Variants in SAMMSON observed in about 807,000 individuals in gnomAD.
SAMMSON encodes the protein survival associated mitochondrial melanoma specific oncogenic non-coding RNA.
intron 4 of SAMMSON, among the ~76,000 whole-genome samples, chr3:70,204,006 G>A (rs1386103842): frequency 6.6e-6 from 1 of 152,158 alleles, no homozygotes; most frequent in African/African-American, 2.4e-5. Flanking sequence ...AGTGTGTGAT[G>A]TGCAGTAAAG....
chr3:70,152,896 T>C (rs1246023314), intron 4 of SAMMSON, among the ~76,000 whole-genome samples: 1 of 151,996 alleles, frequency 6.6e-6, no homozygotes, highest in African/African-American at 2.4e-5. Context: ...GAATTTGAAA[T>C]AGCTATTTGG....
intron 9 of SAMMSON, among the ~76,000 whole-genome samples, chr3:70,376,209 C>G (rs565188717): frequency 2.6e-5 from 4 of 152,260 alleles, no homozygotes; most frequent in African/African-American, 9.6e-5. Flanking sequence ...GGCTATTTAG[C>G]CTTCATCAAA....
At chr3:70,157,176 A>G (rs2067595424) in intron 4 of SAMMSON, among the ~76,000 whole-genome samples, 1 of 152,102 alleles carries the variant, frequency 6.6e-6, no homozygotes, top group African/African-American at 2.4e-5. Flanking sequence ...ATTTTTATTT[A>G]TTCCACAATC....
At chr3:70,028,921 A>C (rs941841769) in intron 3 of SAMMSON, among the ~76,000 whole-genome samples, 2 of 152,204 alleles carry the variant, frequency 1.3e-5, no homozygotes, top group African/African-American at 2.4e-5. Flanking sequence ...CACTGAACTC[A>C]AGCAGGTACA....
At chr3:70,042,187 A>C (rs950754789) in intron 3 of SAMMSON, among the ~76,000 whole-genome samples, 1 of 152,068 alleles carries the variant, frequency 6.6e-6, no homozygotes, top group Non-Finnish European at 1.5e-5. Context: ...ATGAGTATCT[A>C]TGTTTTTGAA....
intron 3 of SAMMSON, among the ~76,000 whole-genome samples, chr3:70,019,841 G>C: frequency 6.6e-6 from 1 of 152,134 alleles, no homozygotes. Flanking sequence ...TCAAGGGCCT[G>C]AGAAGTCTTG....
chr3:70,211,510 C>CTTCCT (rs757682350), intron 4 of SAMMSON, among the ~76,000 whole-genome samples: 2 of 9,044 alleles, frequency 2.2e-4, no homozygotes, highest in Non-Finnish European at 3.8e-4. Flanking sequence ...TCCCTTTGCC[C>CTTCCT]TTCCCTTCCC....
Position 70,076,855 on chromosome 3 carries a change from T to C in SAMMSON, n.507+5290T>C, listed in dbSNP as rs183353173. 4.8e-3 allele frequency among the ~76,000 whole-genome samples: 735 copies of C among 152,334 alleles called. 2 individuals are homozygous for C. Among genetic ancestry groups the C allele is most frequent in the African/African-American group, 0.017 (693 of 41,578 alleles). ...ATTGTCATTTCTGAGAAGTTAAATGTAATTTCTCGTTAGACACAGTTATGT... is the reference window on the plus strand; with the variant it reads ...ATTGTCATTTCTGAGAAGTTAAATGCAATTTCTCGTTAGACACAGTTATGT... On this transcript the variant is annotated intron_variant and non_coding_transcript_variant, in intron 4 of 9. Coordinates refer to ENST00000642114, the Ensembl canonical transcript of SAMMSON.
chr3:70,391,211 C>G (rs1701045471), downstream of SAMMSON, among the ~76,000 whole-genome samples: 3 of 152,086 alleles, frequency 2.0e-5, no homozygotes, highest in South Asian at 6.2e-4. Context: ...TTTAGAAAAG[C>G]AAATCTCTGT....
chr3:70,071,992 G>A (rs2067231828), intron 4 of SAMMSON: 1 of 151,634 alleles, frequency 6.6e-6, no homozygotes, highest in Non-Finnish European at 1.5e-5. Flanking sequence ...GAGATACCTT[G>A]CAGAAATGGC....
In SAMMSON at chr3:70,233,570, G is replaced by A. The variant is rs77709630; in HGVS notation, n.508-15537G>A. On this transcript the variant is annotated intron_variant and non_coding_transcript_variant, in intron 4 of 9. Transcript: ENST00000642114. ...TTTTGACATATGTGTGCACCAAGAAGCCATCCCCACAATCAAAACAACAAA... is the reference window on the plus strand; with the variant it reads ...TTTTGACATATGTGTGCACCAAGAAACCATCCCCACAATCAAAACAACAAA... Among the ~76,000 whole-genome samples the A allele has an allele frequency of 2.3e-3, 350 of 152,240 alleles. 3 individuals are homozygous for A. Among genetic ancestry groups the A allele is most frequent in the African/African-American group, 8.2e-3 (341 of 41,538 alleles).
chr3:70,083,317 A>G (rs1056186061), intron 4 of SAMMSON, among the ~76,000 whole-genome samples: 46 of 152,206 alleles, frequency 3.0e-4, no homozygotes, highest in African/African-American at 1.1e-3. Context: ...TTTAAAGTTT[A>G]CATGTCAGCT....
At chr3:70,064,653 G>T (rs1446696815) in intron 3 of SAMMSON, among the ~76,000 whole-genome samples, 1 of 152,142 alleles carries the variant, frequency 6.6e-6, no homozygotes, top group Non-Finnish European at 1.5e-5. Context: ...GGTTTTGCCA[G>T]CCAAGGGAAG....
At chr3:70,434,059 T>G (rs1336198348) in intron 2 of SAMMSON, among the ~76,000 whole-genome samples, 1 of 152,218 alleles carries the variant, frequency 6.6e-6, no homozygotes, top group Non-Finnish European at 1.5e-5. Flanking sequence ...TATAAGCAAT[T>G]CTTGAAGCTG....
chr3:70,336,263 A>G (rs1286000867), intron 7 of SAMMSON, among the ~76,000 whole-genome samples: 1 of 152,044 alleles, frequency 6.6e-6, no homozygotes, highest in Admixed American at 6.6e-5. Context: ...AAAGAGAACA[A>G]GTAAGCAGAC....
chr3:70,092,879 C>T (rs578032760), intron 4 of SAMMSON, among the ~76,000 whole-genome samples: 7 of 149,692 alleles, frequency 4.7e-5, no homozygotes, highest in East Asian at 3.9e-4. Flanking sequence ...GGAGGGTCTC[C>T]GGATGTGTTG....
intron 4 of SAMMSON, among the ~76,000 whole-genome samples, chr3:70,185,360 A>G (rs1447718191): frequency 2.0e-5 from 3 of 152,188 alleles, no homozygotes; most frequent in African/African-American, 7.2e-5. Context: ...TAAAAGTTTC[A>G]TACGGGAGCT....
intron 4 of SAMMSON, among the ~76,000 whole-genome samples, chr3:70,157,782 C>T (rs552260992): frequency 6.6e-6 from 1 of 152,094 alleles, no homozygotes; most frequent in South Asian, 2.1e-4. Flanking sequence ...ATTCTCATAA[C>T]GATCTTGCAA....
intron 9 of SAMMSON, among the ~76,000 whole-genome samples, chr3:70,375,897 G>A (rs1050959978): frequency 6.6e-6 from 1 of 152,034 alleles, no homozygotes; most frequent in Admixed American, 6.6e-5. Flanking sequence ...ACTGTTTTGG[G>A]TAGTTCATAT....
Sources: allele counts gnomAD v4.1 joint callset (sites outside exome capture counted in the v4.1 genomes callset), GRCh38; gene constraint gnomAD v4.1.1; transcripts MANE v1.5; gene names NCBI Gene and HGNC (gene_info 2026-07-23, HGNC 2026-07-21).